LRRC4C: variants seen among roughly 807,000 people sequenced by gnomAD.
LRRC4C encodes the protein leucine rich repeat containing 4C.
LRRC4C carries 5 observed loss-of-function variants against 33.6 expected under a neutral mutation model. That is an observed-to-expected ratio of 0.15 (90% CI 0.08 to 0.31). The LOEUF is 0.31. Ranked by LOEUF, LRRC4C falls within the 10% of genes least tolerant of loss-of-function variation. The pLI is 1.00. For synonymous variants in LRRC4C, 329 were observed against 302.0 expected (o/e 1.09, Z -0.93); for missense variants, 560 against 796.7 (o/e 0.70, Z 3.58).
At chr11:40,655,090 T>C (rs1943031522) in intron 2 of LRRC4C, among the ~76,000 whole-genome samples, 2 of 152,238 alleles carry the variant, frequency 1.3e-5, no homozygotes, top group Non-Finnish European at 2.9e-5. Context: ...CAGTCTCAGG[T>C]ACTTCTTCAT....
intron 1 of LRRC4C, among the ~76,000 whole-genome samples, chr11:40,944,975 A>G (rs1313511526): frequency 6.8e-6 from 1 of 146,146 alleles, no homozygotes; most frequent in African/African-American, 2.6e-5. Flanking sequence ...CATTTTTCCT[A>G]CTGTAATAGT....
intron 3 of LRRC4C, among the ~76,000 whole-genome samples, chr11:40,398,136 C>T (rs1039159195): frequency 5.3e-5 from 8 of 151,852 alleles, no homozygotes; most frequent in Non-Finnish European, 1.2e-4. Flanking sequence ...GTTGGAGAAG[C>T]TTATTTCTTA....
intron 2 of LRRC4C, among the ~76,000 whole-genome samples, chr11:40,739,272 C>A (rs149525978): frequency 6.6e-5 from 10 of 152,022 alleles, no homozygotes; most frequent in Admixed American, 3.3e-4. Context: ...ATTAGCTCAA[C>A]TTTTTTAGAT....
intron 1 of LRRC4C, among the ~76,000 whole-genome samples, chr11:41,457,969 CTTG>C (rs1426637193): frequency 6.6e-6 from 1 of 151,896 alleles, no homozygotes; most frequent in Admixed American, 6.6e-5. Context: ...TGTTTGTTTG[CTTG>C]TTTTCTTTTT....
At chr11:40,715,972 T>C (rs1454580389) in intron 2 of LRRC4C, among the ~76,000 whole-genome samples, 1 of 151,974 alleles carries the variant, frequency 6.6e-6, no homozygotes. Context: ...TGAACAGAAG[T>C]TGCACTGAGC....
intron 2 of LRRC4C, among the ~76,000 whole-genome samples, chr11:40,868,486 C>T (rs1186533883): frequency 6.6e-6 from 1 of 152,086 alleles, no homozygotes; most frequent in Non-Finnish European, 1.5e-5. Context: ...AGCAGGAAAA[C>T]TCAGATGGAA....
intron 1 of LRRC4C, among the ~76,000 whole-genome samples, chr11:41,260,285 A>C (rs1333341831): frequency 6.6e-6 from 1 of 152,106 alleles, no homozygotes; most frequent in Non-Finnish European, 1.5e-5. Context: ...AGTTACAAGG[A>C]GAGTTAATGG....
chr11:40,822,033 T>C (rs1442282718), intron 2 of LRRC4C, among the ~76,000 whole-genome samples: 2 of 151,824 alleles, frequency 1.3e-5, no homozygotes, highest in African/African-American at 2.4e-5. Flanking sequence ...ATATTTTTTC[T>C]AGCTATTTTG....
At chr11:40,276,831 G>A (rs1943143697) in intron 4 of LRRC4C, among the ~76,000 whole-genome samples, 1 of 151,924 alleles carries the variant, frequency 6.6e-6, no homozygotes, top group South Asian at 2.1e-4. Flanking sequence ...AAAATAAAGG[G>A]CGATATGCTG....
Position 40,990,837 on chromosome 11 carries a change from A to G in LRRC4C, c.-495-57114T>C, listed in dbSNP as rs531671545. 5.9e-5 allele frequency among the ~76,000 whole-genome samples: 9 copies of G among 152,296 alleles called. No homozygotes were observed. In the East Asian group the frequency reaches 1.7e-3, roughly 29 times the overall value. ...AATTTGATTAAAGTTTGACCTTTGA[A>G]TATACATTTTTTTAAGTATTCTGTG... On this transcript the variant is annotated intron_variant, in intron 1 of 6. Transcript: ENST00000528697.
At chr11:40,696,339 T>C (rs186124872) in intron 2 of LRRC4C, among the ~76,000 whole-genome samples, 73 of 131,766 alleles carry the variant, frequency 5.5e-4, no homozygotes, top group African/African-American at 2.1e-3. Flanking sequence ...TATATATATA[T>C]GGTGTATATA....
intron 1 of LRRC4C, among the ~76,000 whole-genome samples, chr11:41,316,095 G>A (rs960728856): frequency 1.3e-5 from 2 of 151,738 alleles, no homozygotes; most frequent in Non-Finnish European, 2.9e-5. Context: ...CAGCTCCAAC[G>A]GAATATCCCT....
intron 3 of LRRC4C, among the ~76,000 whole-genome samples, chr11:40,567,392 T>C (rs547022771): frequency 6.6e-6 from 1 of 152,324 alleles, no homozygotes; most frequent in African/African-American, 2.4e-5. Context: ...ATACCAGGCA[T>C]CAAGCTATGT....
intron 2 of LRRC4C, among the ~76,000 whole-genome samples, chr11:40,703,916 T>C (rs575597231): frequency 1.3e-5 from 2 of 152,316 alleles, no homozygotes; most frequent in South Asian, 4.1e-4. Context: ...AAAGATTAAG[T>C]CATTAAAAGA....
chr11:40,555,489 C>A (rs756302193), intron 3 of LRRC4C, among the ~76,000 whole-genome samples: 5 of 151,950 alleles, frequency 3.3e-5, no homozygotes, highest in Non-Finnish European at 4.4e-5. Context: ...TATGAACATA[C>A]CTTTTATGAA....
chr11:40,130,772 A>G (rs566247325), intron 6 of LRRC4C, among the ~76,000 whole-genome samples: 1 of 152,258 alleles, frequency 6.6e-6, no homozygotes, highest in African/African-American at 2.4e-5. Flanking sequence ...ACTGTTCTTA[A>G]TACAGTCTAG....
intron 1 of LRRC4C, among the ~76,000 whole-genome samples, chr11:41,306,702 G>C (rs1487478885): frequency 2.0e-5 from 3 of 152,172 alleles, no homozygotes; most frequent in Non-Finnish European, 1.5e-5. Flanking sequence ...GTCTATGGGG[G>C]AATTCCTTTA....
chr11:40,340,488 A>T (rs1239934347), intron 3 of LRRC4C, among the ~76,000 whole-genome samples: 1 of 152,166 alleles, frequency 6.6e-6, no homozygotes, highest in Non-Finnish European at 1.5e-5. Flanking sequence ...GTGGGGACTG[A>T]GGCTAAGGGA....
chr11:40,624,335 C>T (rs991127569), intron 3 of LRRC4C, among the ~76,000 whole-genome samples: 3 of 152,042 alleles, frequency 2.0e-5, no homozygotes, highest in Non-Finnish European at 2.9e-5. Context: ...CATTTTGTCC[C>T]CCATTACTAA....
Sources: allele counts gnomAD v4.1 joint callset (sites outside exome capture counted in the v4.1 genomes callset), GRCh38; gene constraint gnomAD v4.1.1; transcripts MANE v1.5; gene names NCBI Gene and HGNC (gene_info 2026-07-23, HGNC 2026-07-21).